MGAM2: variants seen among roughly 807,000 people sequenced by gnomAD.
MGAM2 encodes probable maltase-glucoamylase 2.
In MGAM2, 98 loss-of-function variants were observed where a neutral mutation model predicts 96.1. The ratio of observed to expected loss-of-function variants is 1.02; its 90% CI spans 0.87 to 1.21. The LOEUF (loss-of-function observed/expected upper bound fraction) is 1.21, where lower values mean the gene tolerates loss of function less well. Among genes scored for constraint, MGAM2 ranks in the 50% most tolerant of loss-of-function variants. The probability of loss-of-function intolerance (pLI) is 0.00; values close to 1 mark genes in which losing one functional copy is unlikely to be tolerated. For missense variants in MGAM2, 2,055 were observed against 1,182.4 expected (o/e 1.74, Z -10.82); for synonymous variants, 749 against 414.8 (o/e 1.81, Z -9.79).
intron 37 of MGAM2, among the ~76,000 whole-genome samples, chr7:142,195,345 C>CTTTTTTTTTT (rs1013124747): frequency 1.4e-5 from 1 of 70,040 alleles, no homozygotes; most frequent in African/African-American, 6.1e-5. Flanking sequence ...CCTTTTTACT[C>CTTTTTTTTTT]TTTTTTTTTT....
At chr7:142,120,715 C>G (rs552887757) in intron 3 of MGAM2, among the ~76,000 whole-genome samples, 1 of 152,100 alleles carries the variant, frequency 6.6e-6, no homozygotes, top group Non-Finnish European at 1.5e-5. Flanking sequence ...ACTATGTATT[C>G]TTTGAGAATA....
intron 46 of MGAM2, among the ~76,000 whole-genome samples, chr7:142,215,933 C>A (rs1797748220): frequency 6.6e-6 from 1 of 151,886 alleles, no homozygotes; most frequent in African/African-American, 2.4e-5. Flanking sequence ...ATATAGTTTC[C>A]CTTATATTTC....
intron 17 of MGAM2, among the ~76,000 whole-genome samples, chr7:142,157,395 T>G (rs1250039570): frequency 1.4e-5 from 1 of 70,538 alleles, no homozygotes; most frequent in Non-Finnish European, 2.9e-5. Context: ...AGACACCAAT[T>G]TTTTTTTTTT....
Position 142,183,547 on chromosome 7 carries a change from C to A in MGAM2, c.3924+174C>A, listed in dbSNP as rs545096664. On this transcript the variant is annotated intron_variant, in intron 33 of 47. Transcript: ENST00000477922. ...TTAATAAGACCAAGGTTACAAATCT[C>A]ATCCTCTATTATTATTGAGCACTGT... Among the ~76,000 whole-genome samples the A allele has an allele frequency of 8.5e-5, 13 of 152,318 alleles. No homozygotes were observed. In the South Asian group the frequency reaches 2.7e-3, roughly 32 times the overall value.
chr7:142,185,694 A>G (rs1796672529), intron 34 of MGAM2, among the ~76,000 whole-genome samples: 1 of 152,216 alleles, frequency 6.6e-6, no homozygotes, highest in Non-Finnish European at 1.5e-5. Context: ...TTGCATCTCT[A>G]AAGTTCAATT....
intron 33 of MGAM2, among the ~76,000 whole-genome samples, chr7:142,184,071 C>G (rs1796624173): frequency 1.4e-5 from 2 of 143,256 alleles, no homozygotes; most frequent in African/African-American, 5.1e-5. Context: ...TTCCCAGGTT[C>G]AAGCGATTCT....
At chr7:142,214,807 G>A (rs1033290267) in intron 46 of MGAM2, among the ~76,000 whole-genome samples, 16 of 152,200 alleles carry the variant, frequency 1.1e-4, no homozygotes, top group African/African-American at 3.9e-4. Context: ...AACAGCAGAT[G>A]CTGGAGAGGA....
intron 1 of MGAM2, among the ~76,000 whole-genome samples, chr7:142,115,797 A>T (rs540849440): frequency 6.6e-6 from 1 of 152,314 alleles, no homozygotes; most frequent in African/African-American, 2.4e-5. Flanking sequence ...GTGAGGCGAG[A>T]TCGTGCCATT....
At chr7:142,201,469 A>T (rs1019791044) in intron 45 of MGAM2, among the ~76,000 whole-genome samples, 4 of 152,182 alleles carry the variant, frequency 2.6e-5, no homozygotes, top group African/African-American at 9.6e-5. Context: ...AATCAACTTT[A>T]AAAAAGTTGT....
At position 142,173,301 on chromosome 7, in the gene MGAM2, G is replaced by C. The variant is rs939670511; in HGVS notation, c.3634G>C (p.Asp1212His). The C allele has an allele frequency of 2.3e-5, 16 of 703,032 alleles. No homozygotes were observed. Among genetic ancestry groups the C allele is most frequent in the African/African-American group, 1.6e-4 (9 of 57,360 alleles). 43.5% of individuals were successfully genotyped at this position (703,032 alleles called of 1,614,324 possible). A position where few individuals can be genotyped will look rare whatever the true frequency, so the allele number is the denominator to read the frequency against. Residue 1212 changes from aspartate (D) to histidine (H), a missense_variant, in exon 31 of 48, where the codon GAT becomes CAT. Transcript: ENST00000477922. ...FHLSRYGYQN[D>H]AEISSLYDAM... is the part of the protein sequence containing the mutation. ...TCTGAGTCGCTATGGATACCAGAAT[G>C]ATGCTGAAATCTCCAGTTTGTATGA...
chr7:142,119,349 C>T (rs968650280), intron 2 of MGAM2, among the ~76,000 whole-genome samples: 2 of 152,060 alleles, frequency 1.3e-5, no homozygotes, highest in South Asian at 2.1e-4. Flanking sequence ...ATTTGGGAAG[C>T]GCAAGTCAAA....
chr7:142,216,717 T>C (rs750563742), intron 46 of MGAM2, among the ~76,000 whole-genome samples: 1 of 152,216 alleles, frequency 6.6e-6, no homozygotes, highest in African/African-American at 2.4e-5. Flanking sequence ...CCATTTATTT[T>C]GAGCTGTATA....
chr7:142,161,412 T>G (rs1795884423), intron 22 of MGAM2, among the ~76,000 whole-genome samples, 199 bp downstream of exon 22: 1 of 152,174 alleles, frequency 6.6e-6, no homozygotes, highest in Non-Finnish European at 1.5e-5. Flanking sequence ...AATGCACAAA[T>G]TATGTGTTAC....
chr7:142,149,589 G>A (rs904527030), intron 15 of MGAM2, among the ~76,000 whole-genome samples: 3 of 151,612 alleles, frequency 2.0e-5, no homozygotes, highest in African/African-American at 4.8e-5. Flanking sequence ...CGCCCAGGCT[G>A]GAGTGCAGTG....
chr7:142,173,472 T>C, intron 31 of MGAM2, 118 bp downstream of exon 31: 1 of 595,520 alleles, frequency 1.7e-6, no homozygotes, highest in Non-Finnish European at 3.0e-6. Context: ...AGGCTGAATT[T>C]TTTTTCTTTG....
chr7:142,163,402 C>G (rs942238761), intron 23 of MGAM2, among the ~76,000 whole-genome samples: 2 of 152,184 alleles, frequency 1.3e-5, no homozygotes, highest in African/African-American at 4.8e-5. Context: ...TTACCTGAGC[C>G]TCCTGAGTAG....
chr7:142,173,933 G>A (rs1796284302), intron 31 of MGAM2, among the ~76,000 whole-genome samples: 1 of 152,132 alleles, frequency 6.6e-6, no homozygotes, highest in East Asian at 1.9e-4. Flanking sequence ...ATTGAATAAG[G>A]GAGTCCTTTC....
chr7:142,210,512 T>C (rs1797546460), intron 46 of MGAM2, among the ~76,000 whole-genome samples: 2 of 152,136 alleles, frequency 1.3e-5, no homozygotes, highest in African/African-American at 4.8e-5. Context: ...GGGAGGGGCA[T>C]CCGCCATTAC....
At chr7:142,185,706 T>A (rs1349983492) in intron 34 of MGAM2, among the ~76,000 whole-genome samples, 1 of 152,222 alleles carries the variant, frequency 6.6e-6, no homozygotes, top group Non-Finnish European at 1.5e-5. Flanking sequence ...AGTTCAATTG[T>A]TCAGACACTG....
Sources: gnomAD v4.1 joint callset for allele counts (sites outside exome capture counted in the v4.1 genomes callset) on GRCh38, gnomAD v4.1.1 for gene constraint, MANE v1.5 for transcripts, NCBI Gene and HGNC (gene_info 2026-07-23, HGNC 2026-07-21) for gene names.